The following KERA variants were observed in gnomAD, a reference collection of about 807,000 sequenced individuals.
KERA encodes keratocan, also known as keratan sulfate proteoglycan keratocan.
A neutral mutation model predicts 26.4 loss-of-function variants in KERA; 25 were observed. That is an observed-to-expected ratio of 0.95 (90% CI 0.69 to 1.32). The LOEUF (loss-of-function observed/expected upper bound fraction) is 1.32. KERA is among the 40% of genes most tolerant of loss of function. KERA has a pLI of 0.00. For missense variants in KERA, 434 were observed against 408.9 expected (o/e 1.06, Z -0.53); for synonymous variants, 167 against 146.1 (o/e 1.14, Z -1.03).
Position 91,055,983 on chromosome 12 carries a change from A to G in KERA, c.299T>C (p.Ile100Thr). 1.2e-6 allele frequency: 2 copies of G among 1,610,954 alleles called. No homozygotes were observed. Among genetic ancestry groups the G allele is most frequent in the Admixed American group, 3.4e-5 (2 of 59,678 alleles). ...PFENATQLRW[I>T]NLNKNKITNY... ...GGTTATTTTGTTCTTGTTTAGATTTATCCATCTTAGCTGGGTGGCATTCTC... is the reference window on the plus strand; with the variant it reads ...GGTTATTTTGTTCTTGTTTAGATTTGTCCATCTTAGCTGGGTGGCATTCTC... The change falls in exon 2 of 3, where the codon ATA (isoleucine) becomes ACA (threonine). Residue 100 changes from isoleucine to threonine, a missense_variant. Ile to Thr is a moderately conservative substitution (Grantham distance 89). Coordinates refer to ENST00000266719, the MANE Select transcript of KERA (RefSeq NM_007035.4).
chr12:91,054,109 A>C (rs2041711), intron 2 of KERA, among the ~76,000 whole-genome samples: 100,348 of 151,092 alleles, frequency 0.66, 36,057 homozygotes, highest in East Asian at 0.8. Context: ...ACCATGGAAA[A>C]ATAACCGCTA....
chr12:91,056,419 A>G (rs1879007827), intron 1 of KERA, 130 bp from the exon 2 acceptor site: 5 of 750,928 alleles, frequency 6.7e-6, no homozygotes, highest in Non-Finnish European at 6.9e-6. Flanking sequence ...TTTCATACAC[A>G]GATCTTAATT....
At chr12:91,051,579 G>T in intron 2 of KERA, 61 bp from the exon 3 acceptor site, 4 of 1,293,566 alleles carry the variant, frequency 3.1e-6, no homozygotes, top group African/African-American at 2.9e-5. Flanking sequence ...ACAGTGGGAA[G>T]ACCAAAAAAC....
intron 2 of KERA, among the ~76,000 whole-genome samples, chr12:91,055,080 A>G (rs1450601048): frequency 1.3e-5 from 2 of 151,100 alleles, no homozygotes; most frequent in Non-Finnish European, 3.0e-5. Context: ...AAATAAGCCT[A>G]CCCAATGGGG....
chr12:91,057,366 A>G (rs1448197863), intron 1 of KERA, among the ~76,000 whole-genome samples: 1 of 13,960 alleles, frequency 7.2e-5, no homozygotes, highest in African/African-American at 3.3e-4. Context: ...CATATGTTAC[A>G]TATATATTTA....
In KERA at chr12:91,056,878, T is replaced by G. The variant is rs1482870071; in HGVS notation, c.-8-589A>C. Among the ~76,000 whole-genome samples the G allele has an allele frequency of 6.0e-5, 9 of 151,026 alleles. 1 individual carries two copies. On this transcript the variant is annotated intron_variant, in intron 1 of 2. Coordinates refer to ENST00000266719, the MANE Select transcript of KERA (RefSeq NM_007035.4). The stretch of plus-strand genomic sequence containing the variant: ...TTATTCTCTAGCTCAACCTCTCAAG[T>G]AAGTTTTTTGAGGGTGGGGGAAGAT...
At position 91,050,539 on chromosome 12, in the gene KERA, T is replaced by C. The variant is rs1878839848; in HGVS notation, c.*807A>G. On this transcript the variant is annotated 3_prime_UTR_variant, in exon 3 of 3. Coordinates refer to ENST00000266719, the MANE Select transcript of KERA (RefSeq NM_007035.4). ...ATGAAGCTTGCTAATTTCTTTGAAA[T>C]ATTCTGTTTTGTTAGAAAGCATTCA... The C allele has an allele frequency of 6.6e-6, 1 of 151,926 alleles. No homozygotes were observed. Among genetic ancestry groups the C allele is most frequent in the Non-Finnish European group, 1.5e-5 (1 of 67,726 alleles). 9.4% of individuals were successfully genotyped at this position (151,926 alleles called of 1,614,324 possible).
chr12:91,053,290 G>A (rs572904016), intron 2 of KERA, among the ~76,000 whole-genome samples: 1 of 151,172 alleles, frequency 6.6e-6, no homozygotes, highest in Non-Finnish European at 1.5e-5. Context: ...TCTCTTTGTT[G>A]CTTTTCTACT....
At position 91,056,061 on chromosome 12, in the gene KERA, C is replaced by A. The variant is rs779203403; in HGVS notation, c.221G>T (p.Trp74Leu). The A allele has an allele frequency of 3.1e-6, 5 of 1,607,998 alleles. No homozygotes were observed. The highest frequency in any genetic ancestry group is 4.2e-6 in the Non-Finnish European group (5 of 1,177,448). The change falls in exon 2 of 3, where the codon TGG becomes TTG. Residue 74 changes from tryptophan (W) to leucine (L), a missense_variant. Coordinates refer to ENST00000266719, the MANE Select transcript of KERA (RefSeq NM_007035.4). ...KEIPAIPSRI[W>L]YLYLQNNLIE... ...CAGGTTGTTTTGAAGATAAAGATAC[C>A]AAATTCTTGAAGGAATAGCAGGAAT...
In KERA at chr12:91,051,423, C is replaced by T. The variant is rs1878862386; in HGVS notation, c.982G>A (p.Asp328Asn). 6.2e-7 allele frequency: 1 copy of T among 1,611,224 alleles called. No individual in the cohort carries two copies. The highest frequency in any genetic ancestry group is 2.2e-5 in the East Asian group (1 of 44,806). Residue 328 changes from aspartate to asparagine, a missense_variant, in exon 3 of 3, where the codon GAT becomes AAT. Coordinates refer to ENST00000266719, the MANE Select transcript of KERA (RefSeq NM_007035.4). Reference sequence around the variant, plus strand: ...ATTGGTGGTTTGATTTCATTTCCATCCAGACGGAGGTAGCGAAGATGAGGT... The same window carrying T: ...ATTGGTGGTTTGATTTCATTTCCATTCAGACGGAGGTAGCGAAGATGAGGT... ...YGPHLRYLRL[D>N]GNEIKPPIPM... is the part of the protein sequence containing the mutation.
intron 1 of KERA, 118 bp from the exon 2 acceptor site, chr12:91,056,407 C>T (rs1355860299): frequency 1.0e-5 from 8 of 787,424 alleles, no homozygotes; most frequent in East Asian, 5.3e-5. Flanking sequence ...AATATGTCAA[C>T]ATTTCATACA....
rs1302707320 is a variant in KERA, at chr12:91,051,096, C to G, written c.*250G>C. ...AGCTATGGAAGAGACCAAAATAAAACTATCTTTGAGTTGATAAACTATCTT... is the reference window on the plus strand; with the variant it reads ...AGCTATGGAAGAGACCAAAATAAAAGTATCTTTGAGTTGATAAACTATCTT... On this transcript the variant is annotated 3_prime_UTR_variant, in exon 3 of 3. Transcript: ENST00000266719. 2.3e-6 allele frequency: 1 copy of G among 439,246 alleles called. No individual in the cohort carries two copies. Among genetic ancestry groups the G allele is most frequent in the Non-Finnish European group, 4.2e-6 (1 of 236,218 alleles). The allele number at this position is 439,246 out of a possible 1,614,324, so 27.2% of individuals were successfully genotyped here.
At chr12:91,057,409 C>A (rs1879038561) in intron 1 of KERA, among the ~76,000 whole-genome samples, 1 of 148,696 alleles carries the variant, frequency 6.7e-6, no homozygotes, top group South Asian at 2.1e-4. Context: ...ACATTCTGAC[C>A]AATGTACATT....
At chr12:91,054,951 A>G (rs1296764343) in intron 2 of KERA, among the ~76,000 whole-genome samples, 1 of 151,192 alleles carries the variant, frequency 6.6e-6, no homozygotes, top group Admixed American at 6.6e-5. Context: ...TCCAATTAGG[A>G]GGGTTTCAGG....
In KERA at chr12:91,057,863, G is replaced by A. The variant is rs1049607267; in HGVS notation, c.-128C>T. On this transcript the variant is annotated 5_prime_UTR_variant, in exon 1 of 3. Coordinates refer to ENST00000266719, the MANE Select transcript of KERA (RefSeq NM_007035.4). ...ATTTGTTTTTACTTTAAGCTGTCAA[G>A]TCGTCTATGAGAAACAGTGAAACCT... 2 of 150,866 alleles carry A rather than the reference G, an allele frequency of 1.3e-5. No individual in the cohort carries two copies. The highest frequency in any genetic ancestry group is 3.0e-5 in the Non-Finnish European group (2 of 67,342). 9.3% of individuals were successfully genotyped at this position (150,866 alleles called of 1,614,324 possible). A position where few individuals can be genotyped will look rare whatever the true frequency, so the allele number is the denominator to read the frequency against.
Position 91,056,152 on chromosome 12 carries a change from T to C in KERA, c.130A>G (p.Met44Val), listed in dbSNP as rs1181265187. 6.0e-5 allele frequency: 97 copies of C among 1,610,438 alleles called. No homozygotes were observed. Among genetic ancestry groups the C allele is most frequent in the Non-Finnish European group, 7.6e-5 (90 of 1,177,904 alleles). ...AAACTGGGTGGGCAGAAACATTCCA[T>C]GGGACACTCGAAGTCATGAATAGTC... is the stretch of plus-strand genomic sequence containing the variant. Reference protein sequence around the residue: ...DWTIHDFECPMECFCPPSFPT... With the variant: ...DWTIHDFECPVECFCPPSFPT... Residue 44 changes from methionine to valine, a missense_variant, in exon 2 of 3, where the codon ATG becomes GTG. Met to Val is a conservative substitution (Grantham distance 21, BLOSUM62 1). Transcript: ENST00000266719.
rs1878992221 is a variant in KERA at position 91,055,989 on chromosome 12, C to T, written c.293G>A (p.Arg98Lys). The part of the protein sequence containing the change: ...EKPFENATQL[R>K]WINLNKNKIT... ...TTTGTTCTTGTTTAGATTTATCCAT[C>T]TTAGCTGGGTGGCATTCTCAAATGG... Residue 98 changes from arginine (R) to lysine (K), a missense_variant, in exon 2 of 3, where the codon AGA becomes AAA. Physicochemically the swap from Arg to Lys is conservative, Grantham distance 26. Coordinates refer to ENST00000266719, the MANE Select transcript of KERA (RefSeq NM_007035.4). 1 of 1,610,850 alleles carries T rather than the reference C, an allele frequency of 6.2e-7. No individual in the cohort carries two copies.
At position 91,055,859 on chromosome 12, in the gene KERA, T is replaced by C; in HGVS notation, c.423A>G (p.Pro141=). 4.3e-6 allele frequency: 7 copies of C among 1,611,362 alleles called. No individual in the cohort carries two copies. Among genetic ancestry groups the C allele is most frequent in the South Asian group, 1.1e-5 (1 of 91,032 alleles). ...CTAATTGTAATTGTTCTAAACTTCT[T>C]GGCAATGGAGAAGGTACCTCCTCTA... ...NELEEVPSPL[P]RSLEQLQLAR... is the part of the protein sequence containing the mutation. The change falls in exon 2 of 3, where the codon CCA becomes CCG. Residue 141 remains proline (P), a synonymous_variant. Transcript: ENST00000266719.
At position 91,056,066 on chromosome 12, in the gene KERA, T is replaced by G; in HGVS notation, c.216A>C (p.Arg72Ser). ...GLKEIPAIPS[R>S]IWYLYLQNNL... ...TGTTTTGAAGATAAAGATACCAAAT[T>G]CTTGAAGGAATAGCAGGAATTTCTT... is the stretch of plus-strand genomic sequence containing the variant. Residue 72 changes from arginine (R) to serine (S), a missense_variant, in exon 2 of 3, where the codon AGA becomes AGC. Transcript: ENST00000266719. 1 of 1,608,158 alleles carries G rather than the reference T, an allele frequency of 6.2e-7. No individual in the cohort carries two copies. Among genetic ancestry groups the G allele is most frequent in the Non-Finnish European group, 8.5e-7 (1 of 1,177,522 alleles).
Sources: allele counts gnomAD v4.1 joint callset (sites outside exome capture counted in the v4.1 genomes callset), GRCh38; gene constraint gnomAD v4.1.1; transcripts MANE v1.5; gene names NCBI Gene and HGNC (gene_info 2026-07-23, HGNC 2026-07-21).